ESRP1: variants seen among roughly 807,000 people sequenced by gnomAD.
ESRP1 encodes epithelial splicing regulatory protein 1, also known as RNA-binding motif protein 35A.
A neutral mutation model predicts 81.7 loss-of-function variants in ESRP1; 33 were observed. That is an observed-to-expected ratio of 0.40 (90% confidence interval 0.31 to 0.54). The LOEUF is 0.54. ESRP1 is among the 20% of genes least tolerant of loss of function. ESRP1 has a pLI of 0.41. For synonymous variants in ESRP1, 320 were observed against 303.3 expected (o/e 1.06, Z -0.57); for missense variants, 672 against 833.1 (o/e 0.81, Z 2.38).
chr8:94,687,315 T>G (rs752269444), intron 13 of ESRP1, among the ~76,000 whole-genome samples: 3 of 152,210 alleles, frequency 2.0e-5, no homozygotes, highest in Non-Finnish European at 4.4e-5. Context: ...ATACCACATT[T>G]GGTTTATCCA....
intron 10 of ESRP1, 22 bp downstream of exon 10, chr8:94,668,272 G>A: frequency 6.5e-7 from 1 of 1,538,476 alleles, no homozygotes; most frequent in Non-Finnish European, 8.8e-7. Context: ...AAACAAGTAT[G>A]TTGTACCTTT....
intron 13 of ESRP1, among the ~76,000 whole-genome samples, chr8:94,680,510 C>A (rs1162369398): frequency 6.6e-6 from 1 of 152,150 alleles, no homozygotes; most frequent in African/African-American, 2.4e-5. Flanking sequence ...TCACCACACC[C>A]TCCGCCTCCC....
intron 13 of ESRP1, among the ~76,000 whole-genome samples, chr8:94,678,695 A>G (rs562386301): frequency 6.6e-6 from 1 of 152,374 alleles, no homozygotes; most frequent in Non-Finnish European, 1.5e-5. Flanking sequence ...GAATCATAAA[A>G]CAGGAAAATT....
At chr8:94,690,429 G>A (rs577618825) in intron 13 of ESRP1, among the ~76,000 whole-genome samples, 6 of 151,800 alleles carry the variant, frequency 4.0e-5, no homozygotes, top group South Asian at 2.1e-4. Context: ...CACTGCACCC[G>A]GCCTAGAATT....
At chr8:94,664,623 T>A in intron 6 of ESRP1, 74 bp from the exon 7 acceptor site, 1 of 1,025,942 alleles carries the variant, frequency 9.7e-7, no homozygotes, top group South Asian at 1.3e-5. Context: ...ACTAGGCAGT[T>A]GTCTTGCAGG....
intron 4 of ESRP1, among the ~76,000 whole-genome samples, chr8:94,654,616 A>AT (rs1347600236): frequency 6.6e-5 from 10 of 151,950 alleles, no homozygotes; most frequent in Admixed American, 6.6e-4. Context: ...TAGGGATCTT[A>AT]TTTTTTACCC....
At chr8:94,681,657 G>A (rs1225504858) in intron 13 of ESRP1, among the ~76,000 whole-genome samples, 2 of 151,418 alleles carry the variant, frequency 1.3e-5, no homozygotes, top group Non-Finnish European at 2.9e-5. Context: ...TAATAAAAAT[G>A]GCTGGGTGTG....
intron 13 of ESRP1, among the ~76,000 whole-genome samples, chr8:94,678,825 A>C (rs186378632): frequency 6.6e-6 from 1 of 152,352 alleles, no homozygotes; most frequent in African/African-American, 2.4e-5. Context: ...CTTTAAACAA[A>C]TCTATAAACC....
rs536176027 is a variant in ESRP1, at chr8:94,704,805, T to C, written c.*36-1120T>C. ...AAAAAAAAAAAAAACTGCAGTGAGCTATGATTGGATCATATCACTCCATAC... is the reference window on the plus strand; with the variant it reads ...AAAAAAAAAAAAAACTGCAGTGAGCCATGATTGGATCATATCACTCCATAC... On this transcript the variant is annotated intron_variant, in intron 15 of 15. Coordinates refer to ENST00000433389, the MANE Select transcript of ESRP1 (RefSeq NM_017697.4). 4.9e-5 allele frequency among the ~76,000 whole-genome samples: 7 copies of C among 143,434 alleles called. No homozygotes were observed. The South Asian group carries it at 1.6e-3, about 33-fold the overall frequency. The allele number at this position is 143,434 out of a possible 152,430, so 94.1% of individuals were successfully genotyped here. A position where few individuals can be genotyped will look rare whatever the true frequency, so the allele number is the denominator to read the frequency against.
At chr8:94,676,939 A>T (rs111445967) in intron 12 of ESRP1, among the ~76,000 whole-genome samples, 1 of 151,978 alleles carries the variant, frequency 6.6e-6, no homozygotes, top group African/African-American at 2.4e-5. Flanking sequence ...GATCACCCGA[A>T]GTCAGGAGTT....
chr8:94,662,073 T>C (rs1031919029), intron 4 of ESRP1, among the ~76,000 whole-genome samples, 199 bp from the exon 5 acceptor site: 1 of 152,182 alleles, frequency 6.6e-6, no homozygotes, highest in Non-Finnish European at 1.5e-5. Flanking sequence ...CAGCACTGGA[T>C]TGATTTGCCT....
chr8:94,659,617 T>A (rs191478776), intron 4 of ESRP1, among the ~76,000 whole-genome samples: 1 of 152,230 alleles, frequency 6.6e-6, no homozygotes, highest in Non-Finnish European at 1.5e-5. Context: ...CAGGAAGGCA[T>A]GTCAAAAGCT....
At chr8:94,672,062 A>G (rs1819357969) in intron 11 of ESRP1, among the ~76,000 whole-genome samples, 1 of 152,198 alleles carries the variant, frequency 6.6e-6, no homozygotes, top group Non-Finnish European at 1.5e-5. Context: ...CAGTCTTGAC[A>G]CAATTTTTCT....
chr8:94,644,864 A>G (rs1347682947), intron 3 of ESRP1, among the ~76,000 whole-genome samples: 1 of 152,220 alleles, frequency 6.6e-6, no homozygotes, highest in Non-Finnish European at 1.5e-5. Flanking sequence ...TCAATATATT[A>G]AAATGTTTTT....
chr8:94,643,554 C>T (rs1250980674), intron 3 of ESRP1, 138 bp downstream of exon 3: 2 of 561,968 alleles, frequency 3.6e-6, no homozygotes, highest in Non-Finnish European at 6.4e-6. Context: ...TACAGAATTT[C>T]AGTTTGGGAA....
chr8:94,675,994 G>A (rs748882336), intron 12 of ESRP1, among the ~76,000 whole-genome samples: 1 of 152,124 alleles, frequency 6.6e-6, no homozygotes, highest in Non-Finnish European at 1.5e-5. Flanking sequence ...CTTAAAGTTT[G>A]TTAACTTACT....
chr8:94,668,890 T>C (rs1819163254), intron 10 of ESRP1, among the ~76,000 whole-genome samples: 2 of 152,076 alleles, frequency 1.3e-5, no homozygotes, highest in South Asian at 4.2e-4. Flanking sequence ...CCTACCCCAG[T>C]TGAAGCAATT....
intron 5 of ESRP1, 40 bp downstream of exon 5, chr8:94,662,410 T>C (rs370327641): frequency 2.0e-6 from 3 of 1,533,242 alleles, no homozygotes; most frequent in East Asian, 2.3e-5. Flanking sequence ...CCAGAATTCA[T>C]ACTATTTTTC....
intron 4 of ESRP1, among the ~76,000 whole-genome samples, chr8:94,661,822 A>T (rs893034413): frequency 6.6e-6 from 1 of 152,164 alleles, no homozygotes; most frequent in Non-Finnish European, 1.5e-5. Flanking sequence ...TCACATCAAT[A>T]ATCTGTGGTG....
Sources: gnomAD v4.1 joint callset for allele counts (sites outside exome capture counted in the v4.1 genomes callset) on GRCh38, gnomAD v4.1.1 for gene constraint, MANE v1.5 for transcripts, NCBI Gene and HGNC (gene_info 2026-07-23, HGNC 2026-07-21) for gene names.